Variants in PRDM15 observed in about 807,000 individuals in gnomAD.
PRDM15 encodes the protein PR domain zinc finger protein 15.
PRDM15 carries 64 observed loss-of-function variants against 128.6 expected under a neutral mutation model. The ratio of observed to expected loss-of-function variants is 0.50; its 90% CI spans 0.41 to 0.61. The LOEUF is 0.61. Ranked by LOEUF, PRDM15 falls within the 20% of genes least tolerant of loss-of-function variation. The pLI, the probability that PRDM15 is intolerant of heterozygous loss-of-function variation, is 0.00. For missense variants in PRDM15, 1,242 were observed against 1,569.1 expected (o/e 0.79, Z 3.52); for synonymous variants, 615 against 621.8 (o/e 0.99, Z 0.16).
At chr21:41,813,535 G>A (rs1387453920) in intron 19 of PRDM15, 1 of 152,386 alleles carries the variant, frequency 6.6e-6, no homozygotes, top group Admixed American at 6.5e-5. Context: ...CCAACGTGCA[G>A]TTGAGGGGCC....
chr21:41,871,535 G>GGGCTCAGT (rs1262884543), intron 1 of PRDM15: 2 of 1,611,156 alleles, frequency 1.2e-6, no homozygotes, highest in Non-Finnish European at 8.5e-7. Context: ...TGCACTCGCA[G>GGGCTCAGT]GGCTCAGTGG....
chr21:41,839,943 T>G (rs2063023154), intron 6 of PRDM15, 90 bp from the exon 7 acceptor site: 1 of 1,083,370 alleles, frequency 9.2e-7, no homozygotes, highest in South Asian at 1.4e-5. Context: ...GTGTGTGTGT[T>G]TTCAATCTTG....
chr21:41,841,309 C>G (rs978620213), intron 6 of PRDM15, among the ~76,000 whole-genome samples: 2 of 152,206 alleles, frequency 1.3e-5, no homozygotes, highest in Non-Finnish European at 2.9e-5. Flanking sequence ...ACTGCAGTGA[C>G]AGCAGACTTA....
chr21:41,876,228 T>A (rs117072646), intron 1 of PRDM15, among the ~76,000 whole-genome samples: 1 of 152,120 alleles, frequency 6.6e-6, no homozygotes. Flanking sequence ...TAAATCATCA[T>A]CTGATATAAA....
At chr21:41,874,525 A>ATATATATTTTTTTTTTTTT in intron 1 of PRDM15, among the ~76,000 whole-genome samples, 1 of 95,828 alleles carries the variant, frequency 1.0e-5, no homozygotes, top group Non-Finnish European at 2.0e-5. Flanking sequence ...ATATATATAT[A>ATATATATTTTTTTTTTTTT]TTTTTTTTTT....
chr21:41,853,894 C>T (rs2063501362), intron 5 of PRDM15, among the ~76,000 whole-genome samples: 1 of 152,218 alleles, frequency 6.6e-6, no homozygotes, highest in Non-Finnish European at 1.5e-5. Flanking sequence ...TTCATCTACT[C>T]CACTGTGACC....
chr21:41,823,541 G>A (rs528597954), intron 13 of PRDM15, 92 bp from the exon 14 acceptor site: 20 of 1,406,390 alleles, frequency 1.4e-5, no homozygotes, highest in African/African-American at 4.3e-5. Flanking sequence ...ACCACAACCC[G>A]GGACGGAAAC....
chr21:41,826,399 T>C (rs1389496828), intron 12 of PRDM15, among the ~76,000 whole-genome samples: 1 of 152,198 alleles, frequency 6.6e-6, no homozygotes, highest in Non-Finnish European at 1.5e-5. Context: ...AAGAAGGCAC[T>C]TCTAACTCCA....
At chr21:41,870,061 T>A (rs1378872449) in intron 1 of PRDM15, among the ~76,000 whole-genome samples, 1 of 152,256 alleles carries the variant, frequency 6.6e-6, no homozygotes, top group Non-Finnish European at 1.5e-5. Context: ...TCCCACTTTA[T>A]TCTTCTTTTG....
rs754182973 is a variant in PRDM15 at position 41,839,782 on chromosome 21, C to T, written c.712G>A (p.Glu238Lys). ...PGSQSEAAAP[E>K]KEQDTPRGEP... ...CCCCGGGGTGTGTCCTGCTCCTTCT[C>T]GGGAGCTGCTGCCTCGCTTTGGCTG... The change falls in exon 7 of 24, where the codon GAG becomes AAG. Residue 238 changes from glutamate (E) to lysine (K), a missense_variant. Coordinates refer to ENST00000398548, the MANE Select transcript of PRDM15 (RefSeq NM_001040424.3). 23 of 1,614,146 alleles carry T rather than the reference C, an allele frequency of 1.4e-5. No individual in the cohort carries two copies. The highest frequency in any genetic ancestry group is 1.8e-5 in the Non-Finnish European group (21 of 1,180,050).
chr21:41,801,355 C>G lies in PRDM15; in HGVS notation c.3311G>C (p.Arg1104Pro). Reference protein sequence around the residue: ...QLSDQHPLTWRAVPQTDVLPP... With the variant: ...QLSDQHPLTWPAVPQTDVLPP... ...CAAGACGTCAGTCTGGGGCACTGCC[C>G]GCCACGTGAGCGGGTGCTGGTCACT... The change falls in exon 24 of 24, where the codon CGG (arginine) becomes CCG (proline). Residue 1104 changes from arginine to proline, a missense_variant. Arg to Pro is a moderately radical substitution (Grantham distance 103). Around this residue, in one of 3 missense-constraint regions of PRDM15, gnomAD observed 602 missense variants for 788.3 expected, o/e 0.76. Coordinates refer to ENST00000398548, the MANE Select transcript of PRDM15 (RefSeq NM_001040424.3). 6.2e-7 allele frequency: 1 copy of G among 1,605,572 alleles called. No homozygotes were observed. Among genetic ancestry groups the G allele is most frequent in the Non-Finnish European group, 8.5e-7 (1 of 1,174,122 alleles).
At chr21:41,856,291 CCCTT>C (rs1335128436) in intron 4 of PRDM15, among the ~76,000 whole-genome samples, 15 of 123,108 alleles carry the variant, frequency 1.2e-4, no homozygotes, top group Admixed American at 5.8e-4. Context: ...TCCCCTCCCT[CCCTT>C]CCTTCCTTCT....
At chr21:41,823,491 G>A (rs192435171) in intron 13 of PRDM15, 42 bp from the exon 14 acceptor site, 1,344 of 1,534,570 alleles carry the variant, frequency 8.8e-4, no homozygotes, top group Non-Finnish European at 1.1e-3. Flanking sequence ...GCGGCGTCTC[G>A]TGACGGGAAG....
chr21:41,802,119 C>T (rs2061432327), intron 23 of PRDM15, among the ~76,000 whole-genome samples: 1 of 152,216 alleles, frequency 6.6e-6, no homozygotes. Flanking sequence ...TAAGAGAAAG[C>T]ATTCTCTTTC....
intron 21 of PRDM15, 81 bp from the exon 22 acceptor site, chr21:41,804,695 G>T: frequency 9.4e-7 from 1 of 1,066,700 alleles, no homozygotes; most frequent in Non-Finnish European, 1.3e-6. Flanking sequence ...CACGCCTTGG[G>T]ACCACCTCCA....
At chr21:41,846,182 CTG>C (rs1378641639) in intron 6 of PRDM15, among the ~76,000 whole-genome samples, 1 of 152,226 alleles carries the variant, frequency 6.6e-6, no homozygotes, top group Non-Finnish European at 1.5e-5. Flanking sequence ...CCTGGGGCCT[CTG>C]AGCACGTTCC....
chr21:41,838,146 TG>T (rs1189034128), intron 7 of PRDM15, 83 bp from the exon 8 acceptor site: 11 of 1,471,572 alleles, frequency 7.5e-6, no homozygotes, highest in Non-Finnish European at 1.0e-5. Context: ...CACTGCCCCA[TG>T]GGAACCACAG....
At chr21:41,825,379 C>A (rs28429890) in intron 13 of PRDM15, among the ~76,000 whole-genome samples, 93,136 of 152,190 alleles carry the variant, frequency 0.61, 28,727 homozygotes, top group Admixed American at 0.67. Flanking sequence ...TGTCTGAATC[C>A]TGAGCTAGTG....
At position 41,872,350 on chromosome 21, in the gene PRDM15, C is replaced by T. The variant is rs567689157; in HGVS notation, c.-10+6920G>A. ...AGGGCTAGCTTTCTTACATTCTCTTCCCCTCCCCTCATTTCCCAGTATGAT... is the reference window on the plus strand; with the variant it reads ...AGGGCTAGCTTTCTTACATTCTCTTTCCCTCCCCTCATTTCCCAGTATGAT... On this transcript the variant is annotated intron_variant, in intron 1 of 23. Transcript: ENST00000398548. Among the ~76,000 whole-genome samples, 612 of 152,278 alleles carry T rather than the reference C, an allele frequency of 4.0e-3. 5 individuals carry two copies. Among genetic ancestry groups the T allele is most frequent in the African/African-American group, 0.014 (591 of 41,546 alleles).
Sources: gnomAD v4.1 joint callset for allele counts (sites outside exome capture counted in the v4.1 genomes callset) on GRCh38, gnomAD v4.1.1 for gene constraint, gnomAD v4.1.1 regional missense constraint, MANE v1.5 for transcripts, NCBI Gene and HGNC (gene_info 2026-07-23, HGNC 2026-07-21) for gene names.